RPL9: variants seen among roughly 807,000 people sequenced by gnomAD.
RPL9 encodes the protein large ribosomal subunit protein uL6.
For missense variants in RPL9, 149 were observed against 236.7 expected (o/e 0.63, Z 2.43); for synonymous variants, 82 against 77.1 (o/e 1.06, Z -0.33).
Position 39,454,147 on chromosome 4 carries a change from T to C in RPL9, c.*89A>G, listed in dbSNP as rs765007383. On this transcript the variant is annotated 3_prime_UTR_variant, in exon 8 of 8. Coordinates refer to ENST00000295955, the MANE Select transcript of RPL9 (RefSeq NM_000661.5). The stretch of plus-strand genomic sequence containing the variant: ...GGTTTAAGAAGAAGGTCCAAATCAA[T>C]AGGTCTTTTATTGCATCATTTAAAT... 1.1e-4 allele frequency: 18 copies of C among 156,894 alleles called. No individual in the cohort carries two copies. Among genetic ancestry groups the C allele is most frequent in the Non-Finnish European group, 2.1e-4 (15 of 70,840 alleles). The allele number at this position is 156,894 out of a possible 1,614,324, so 9.7% of individuals were successfully genotyped here. A position where few individuals can be genotyped will look rare whatever the true frequency, so the allele number is the denominator to read the frequency against.
chr4:39,454,533 C>T lies in RPL9; in HGVS notation c.*10G>A, dbSNP rs755740515. 2.5e-6 allele frequency: 4 copies of T among 1,599,928 alleles called. No homozygotes were observed. The Admixed American group carries it at 6.8e-5, about 27-fold the overall frequency. On this transcript the variant is annotated splice_region_variant and 3_prime_UTR_variant, in exon 7 of 8. Coordinates refer to ENST00000295955, the MANE Select transcript of RPL9 (RefSeq NM_000661.5). ...AACTTAAGACACTGTAAGAACTTAC[C>T]TCTTAGATCTTATTCATCAGCCTGC...
In RPL9 at chr4:39,454,126, T is replaced by C. The variant is rs1326326160; in HGVS notation, c.*110A>G. 8 of 154,976 alleles carry C rather than the reference T, an allele frequency of 5.2e-5. No homozygotes were observed. The highest frequency in any genetic ancestry group is 1.9e-4 in the African/African-American group (8 of 41,494). The allele number at this position is 154,976 out of a possible 1,614,324, so 9.6% of individuals were successfully genotyped here. On this transcript the variant is annotated 3_prime_UTR_variant, in exon 8 of 8. Transcript: ENST00000295955. ...AACTAGCTAAAAAGGATAACCGGTT[T>C]AAGAAGAAGGTCCAAATCAATAGGT...
chr4:39,455,121 G>A (rs535710256), intron 5 of RPL9, 177 bp from the exon 6 acceptor site: 55 of 570,850 alleles, frequency 9.6e-5, no homozygotes, highest in African/African-American at 5.0e-4. Flanking sequence ...AGGCCGAGGC[G>A]GGCGGATCAT....
intron 4 of RPL9, 121 bp from the exon 5 acceptor site, chr4:39,456,659 T>C: frequency 9.2e-7 from 1 of 1,084,476 alleles, no homozygotes; most frequent in Non-Finnish European, 1.3e-6. Flanking sequence ...GATTTTCTAA[T>C]AACTGTCACC....
chr4:39,457,531 A>G, intron 4 of RPL9, 55 bp downstream of exon 4: 1 of 1,369,298 alleles, frequency 7.3e-7, no homozygotes, highest in Non-Finnish European at 1.0e-6. Context: ...TGTATAAAGC[A>G]CAGGTTTGAG....
rs1206871094 is a variant in RPL9, at chr4:39,456,424, T to C, written c.373A>G (p.Arg125Gly). 1.2e-6 allele frequency: 2 copies of C among 1,614,140 alleles called. No homozygotes were observed. Among genetic ancestry groups the C allele is most frequent in the South Asian group, 2.2e-5 (2 of 91,086 alleles). ...RNFLGEKYIR[R>G]VRMRPGVACS... is the part of the protein sequence containing the mutation. ...CACATACCTGGTCTCATCCGAACCC[T>C]GCGGATATATTTTTCACCCAAGAAA... The change falls in exon 5 of 8, where the codon AGG becomes GGG. Residue 125 changes from arginine (R) to glycine (G), a missense_variant. Arg to Gly is a moderately radical substitution (Grantham distance 125, BLOSUM62 -2). Coordinates refer to ENST00000295955, the MANE Select transcript of RPL9 (RefSeq NM_000661.5).
At chr4:39,457,526 A>G (rs1409761884) in intron 4 of RPL9, 60 bp downstream of exon 4, 5 of 1,340,488 alleles carry the variant, frequency 3.7e-6, no homozygotes, top group South Asian at 1.2e-5. Flanking sequence ...TACGCTGTAT[A>G]AAGCACAGGT....
Position 39,458,873 on chromosome 4 carries a change from G to A in RPL9, c.-2+18C>T, listed in dbSNP as rs757009355. On this transcript the variant is annotated intron_variant, in intron 1 of 7. Transcript: ENST00000295955. ...TTTCAGATTCCCAGTACCCCCACGAGCACAGAAACATCCTTACCTCGCAGT... is the reference window on the plus strand; with the variant it reads ...TTTCAGATTCCCAGTACCCCCACGAACACAGAAACATCCTTACCTCGCAGT... 13 of 699,524 alleles carry A rather than the reference G, an allele frequency of 1.9e-5. No homozygotes were observed. Among genetic ancestry groups the A allele is most frequent in the Admixed American group, 1.0e-4 (5 of 49,876 alleles). 43.3% of individuals were successfully genotyped at this position (699,524 alleles called of 1,614,324 possible).
At chr4:39,458,827 A>G in intron 1 of RPL9, 64 bp downstream of exon 1, 1 of 690,646 alleles carries the variant, frequency 1.4e-6, no homozygotes. Flanking sequence ...GCCGCGCCGC[A>G]GCCTTTCCCA....
At chr4:39,454,759 C>A in intron 6 of RPL9, 105 bp downstream of exon 6, 1 of 1,458,710 alleles carries the variant, frequency 6.9e-7, no homozygotes, top group Non-Finnish European at 9.3e-7. Context: ...TTTTTATTTT[C>A]ACAATTTAAA....
rs1474346151 is a variant in RPL9 at position 39,454,884 on chromosome 4, A to G, written c.452T>C (p.Ile151Thr). The G allele has an allele frequency of 5.6e-6, 9 of 1,613,738 alleles. No homozygotes were observed. Among genetic ancestry groups the G allele is most frequent in the Non-Finnish European group, 7.6e-6 (9 of 1,179,982 alleles). The change falls in exon 6 of 8, where the codon ATT (isoleucine) becomes ACT (threonine). Residue 151 changes from isoleucine (I) to threonine (T), a missense_variant. Ile to Thr is a moderately conservative substitution (Grantham distance 89). Coordinates refer to ENST00000295955, the MANE Select transcript of RPL9 (RefSeq NM_000661.5). The stretch of plus-strand genomic sequence containing the variant: ...CAAACCTGAATTTGAAACAAGCTCA[A>G]TGTCATTTCCTTCAAGGATTAATTC... Reference protein sequence around the residue: ...KDELILEGNDIELVSNSAALI... With the variant: ...KDELILEGNDTELVSNSAALI...
At chr4:39,455,975 A>C (rs1744070671) in intron 5 of RPL9, 1 of 225,964 alleles carries the variant, frequency 4.4e-6, no homozygotes, top group Admixed American at 5.3e-5. Flanking sequence ...TTTTCTCTTT[A>C]GATTTTAAAG....
At position 39,454,942 on chromosome 4, in the gene RPL9, C is replaced by T. The variant is rs781390857; in HGVS notation, c.394G>A (p.Val132Ile). ...YIRRVRMRPGVACSVSQAQKD... is the reference protein window; with the variant it reads ...YIRRVRMRPGIACSVSQAQKD... Reference sequence around the variant, plus strand: ...TGGGCTTGAGATACTGAACAAGCAACACCTAAAAGGGGAGAGGGCATTTGC... The same window carrying T: ...TGGGCTTGAGATACTGAACAAGCAATACCTAAAAGGGGAGAGGGCATTTGC... The change falls in exon 6 of 8, where the codon GTT (valine) becomes ATT (isoleucine). Residue 132 changes from valine (V) to isoleucine (I), a missense_variant and splice_region_variant. Val to Ile is a conservative substitution (Grantham distance 29). Coordinates refer to ENST00000295955, the MANE Select transcript of RPL9 (RefSeq NM_000661.5). 1.6e-5 allele frequency: 26 copies of T among 1,612,998 alleles called. No homozygotes were observed. Among genetic ancestry groups the T allele is most frequent in the Non-Finnish European group, 2.1e-5 (25 of 1,179,444 alleles).
At chr4:39,457,367 A>AAAAC in intron 4 of RPL9, 2 of 412,632 alleles carry the variant, frequency 4.8e-6, no homozygotes, top group Admixed American at 4.1e-5. Flanking sequence ...AAAAAAAAAA[A>AAAAC]CCCAACAACA....
intron 5 of RPL9, 137 bp downstream of exon 5, chr4:39,456,269 A>T: frequency 1.1e-6 from 1 of 903,138 alleles, no homozygotes; most frequent in Non-Finnish European, 1.8e-6. Flanking sequence ...ATCAAGAGAT[A>T]ATTCTAAAAC....
At chr4:39,455,533 C>T (rs2687955) in intron 5 of RPL9, among the ~76,000 whole-genome samples, 100,835 of 151,648 alleles carry the variant, frequency 0.66, 33,909 homozygotes, top group South Asian at 0.77. Flanking sequence ...CTACAAAAAA[C>T]TTAAAAATTA....
rs1320080667 is a variant in RPL9 at position 39,458,902 on chromosome 4, C to G, written c.-13G>C. The G allele has an allele frequency of 2.8e-6, 2 of 705,626 alleles. No homozygotes were observed. The highest frequency in any genetic ancestry group is 4.0e-5 in the Admixed American group (2 of 50,012). The allele number at this position is 705,626 out of a possible 1,614,324, so 43.7% of individuals were successfully genotyped here. ...AGAAACATCCTTACCTCGCAGTAGA[C>G]GCAGCAAAGAAAGAACGTCTGTCGT... On this transcript the variant is annotated 5_prime_UTR_variant, in exon 1 of 8. Coordinates refer to ENST00000295955, the MANE Select transcript of RPL9 (RefSeq NM_000661.5).
chr4:39,454,981 T>C, intron 5 of RPL9, 37 bp from the exon 6 acceptor site: 1 of 1,568,450 alleles, frequency 6.4e-7, no homozygotes, highest in Non-Finnish European at 8.7e-7. Context: ...GCATCAAATC[T>C]GTGTAAAAAA....
chr4:39,456,391 AG>A lies in RPL9; in HGVS notation c.391+14del. 1 of 1,614,054 alleles carries A rather than the reference AG, an allele frequency of 6.2e-7. No individual in the cohort carries two copies. The highest frequency in any genetic ancestry group is 2.2e-5 in the East Asian group (1 of 44,872). On this transcript the variant is annotated intron_variant, in intron 5 of 7. Coordinates refer to ENST00000295955, the MANE Select transcript of RPL9 (RefSeq NM_000661.5). ...AGGAAAAATTTCTTAATTCTGTCTGAGGGTATGCACATACCTGGTCTCATCC... is the reference window on the plus strand; with the variant it reads ...AGGAAAAATTTCTTAATTCTGTCTGAGGTATGCACATACCTGGTCTCATCC...
Sources: allele counts gnomAD v4.1 joint callset (sites outside exome capture counted in the v4.1 genomes callset), GRCh38; gene constraint gnomAD v4.1.1; transcripts MANE v1.5; gene names NCBI Gene and HGNC (gene_info 2026-07-23, HGNC 2026-07-21).